Variants in DYNC2LI1 observed in about 807,000 individuals in gnomAD.
DYNC2LI1 encodes the protein dynein cytoplasmic 2 light intermediate chain 1.
A neutral mutation model predicts 51.9 loss-of-function variants in DYNC2LI1; 45 were observed. That is an observed-to-expected ratio of 0.87 (90% CI 0.68 to 1.11). The LOEUF (loss-of-function observed/expected upper bound fraction) is 1.11. Ranked by LOEUF, DYNC2LI1 falls within the 50% of genes most tolerant of loss-of-function variation. The probability of loss-of-function intolerance (pLI) is 0.00; values close to 1 mark genes in which losing one functional copy is unlikely to be tolerated. For missense variants in DYNC2LI1, 490 were observed against 417.4 expected, an observed-to-expected ratio of 1.17 and a Z score of -1.51; for synonymous variants, 130 against 137.8, an observed-to-expected ratio of 0.94 and a Z score of 0.40.
chr2:43,820,835 G>A, the DYNC2LI1 span, among the ~76,000 whole-genome samples: 1 of 152,142 alleles, frequency 6.6e-6, no homozygotes, highest in East Asian at 1.9e-4. Context: ...TTTGTATTTA[G>A]TAGAGATGGG....
chr2:43,785,500 G>A (rs537934527), intron 3 of DYNC2LI1, among the ~76,000 whole-genome samples: 1 of 151,866 alleles, frequency 6.6e-6, no homozygotes, highest in Non-Finnish European at 1.5e-5. Context: ...CTGGGAGGCC[G>A]AGGCGGGCAT....
chr2:43,824,133 C>T, the DYNC2LI1 span: 2 of 1,614,184 alleles, frequency 1.2e-6, no homozygotes, highest in Non-Finnish European at 8.5e-7. Context: ...AAACAAACAA[C>T]CCTGTTTTAA....
downstream of DYNC2LI1, chr2:43,812,825 G>T: frequency 2.8e-6 from 1 of 354,468 alleles, no homozygotes; most frequent in Non-Finnish European, 5.2e-6. Context: ...AAAAAAAATA[G>T]TCACACGAGT....
the DYNC2LI1 span, chr2:43,823,968 A>T: frequency 6.2e-7 from 1 of 1,614,204 alleles, no homozygotes; most frequent in South Asian, 1.1e-5. Flanking sequence ...CAAACTGGTA[A>T]AGGAGACCTA....
At chr2:43,819,050 T>C in the DYNC2LI1 span, among the ~76,000 whole-genome samples, 1 of 152,202 alleles carries the variant, frequency 6.6e-6, no homozygotes. Flanking sequence ...TGAAAATGGA[T>C]TGCTCTGAGA....
chr2:43,823,979 C>A, the DYNC2LI1 span: 2 of 1,614,206 alleles, frequency 1.2e-6, no homozygotes, highest in Admixed American at 3.3e-5. Flanking sequence ...AGGAGACCTA[C>A]GCGGTCCTGG....
intron 5 of DYNC2LI1, among the ~76,000 whole-genome samples, chr2:43,791,804 C>T (rs1196018175): frequency 6.6e-6 from 1 of 152,170 alleles, no homozygotes; most frequent in Non-Finnish European, 1.5e-5. Context: ...AACATTTCCA[C>T]ACACTTTAGA....
chr2:43,794,330 A>G (rs1309243952), intron 5 of DYNC2LI1, 127 bp from the exon 6 acceptor site: 2 of 1,066,152 alleles, frequency 1.9e-6, no homozygotes, highest in African/African-American at 1.6e-5. Flanking sequence ...GAGTCTTAGA[A>G]TAATGCTACG....
intron 4 of DYNC2LI1, among the ~76,000 whole-genome samples, chr2:43,787,735 A>G (rs1298532074): frequency 6.6e-6 from 1 of 152,120 alleles, no homozygotes; most frequent in African/African-American, 2.4e-5. Context: ...ACTCTTCAGG[A>G]TAGAAGAAGG....
intron 3 of DYNC2LI1, among the ~76,000 whole-genome samples, chr2:43,786,539 G>A (rs1673528494): frequency 6.6e-6 from 1 of 152,048 alleles, no homozygotes; most frequent in South Asian, 2.1e-4. Context: ...TCAGGGCTGA[G>A]TATAAACCCA....
chr2:43,788,652 CT>C (rs1673634082), intron 4 of DYNC2LI1, among the ~76,000 whole-genome samples: 1 of 152,156 alleles, frequency 6.6e-6, no homozygotes, highest in Non-Finnish European at 1.5e-5. Flanking sequence ...CAAGGTCTCA[CT>C]TTGTTTCCCA....
chr2:43,810,845 A>G (rs186372148), downstream of DYNC2LI1, among the ~76,000 whole-genome samples: 59 of 152,314 alleles, frequency 3.9e-4, no homozygotes, highest in African/African-American at 1.3e-3. Flanking sequence ...TCTCAGAAAC[A>G]TCACTGACTT....
At chr2:43,820,534 A>G in the DYNC2LI1 span, among the ~76,000 whole-genome samples, 21 of 152,256 alleles carry the variant, frequency 1.4e-4, no homozygotes, top group South Asian at 4.2e-3. Context: ...TCTCTGTTAT[A>G]TGGGATTATT....
downstream of DYNC2LI1, chr2:43,813,325 T>G (rs373162711): frequency 2.2e-5 from 35 of 1,573,842 alleles, 1 homozygote; most frequent in Admixed American, 3.3e-5. Flanking sequence ...AAGGAAAAGA[T>G]TGACAGTGTC....
chr2:43,784,543 G>A lies in DYNC2LI1; in HGVS notation c.161+989G>A, dbSNP rs192462337. Among the ~76,000 whole-genome samples the A allele has an allele frequency of 2.4e-3, 370 of 152,074 alleles. 8 individuals carry two copies. The highest frequency in any genetic ancestry group is 4.1e-4 in the Non-Finnish European group (28 of 67,990). On this transcript the variant is annotated intron_variant, in intron 3 of 12. Coordinates refer to ENST00000260605, the MANE Select transcript of DYNC2LI1 (RefSeq NM_016008.4). The stretch of plus-strand genomic sequence containing the variant: ...CAACCTCCGCCTCCTGGGTTCAAGC[G>A]ATTCTCCTGCCTCAGCCTCCCGCTG...
rs547983409 is a variant in DYNC2LI1, at chr2:43,782,482, T to C, written c.127-1038T>C. ...ATTATTTTCTTTAGAGCCTGAAGGTTTCCTCCAGTGGAGCTTGTCCTGCTG... is the reference window on the plus strand; with the variant it reads ...ATTATTTTCTTTAGAGCCTGAAGGTCTCCTCCAGTGGAGCTTGTCCTGCTG... On this transcript the variant is annotated intron_variant, in intron 2 of 12. Coordinates refer to ENST00000260605, the MANE Select transcript of DYNC2LI1 (RefSeq NM_016008.4). Among the ~76,000 whole-genome samples the C allele has an allele frequency of 1.3e-4, 20 of 151,942 alleles. No homozygotes were observed. In the East Asian group the frequency reaches 2.1e-3, roughly 16 times the overall value.
chr2:43,794,422 T>C, intron 5 of DYNC2LI1, 35 bp from the exon 6 acceptor site: 1 of 1,567,382 alleles, frequency 6.4e-7, no homozygotes, highest in Non-Finnish European at 8.6e-7. Context: ...GTAATTATTT[T>C]GAGTCTTTTT....
At chr2:43,782,101 G>GT (rs1479581211) in intron 2 of DYNC2LI1, among the ~76,000 whole-genome samples, 4 of 151,582 alleles carry the variant, frequency 2.6e-5, no homozygotes, top group Admixed American at 6.6e-5. Context: ...TATTATGAAT[G>GT]TTTTACTATG....
chr2:43,826,250 T>G, the DYNC2LI1 span: 1 of 1,379,222 alleles, frequency 7.3e-7, no homozygotes, highest in Non-Finnish European at 1.0e-6. Flanking sequence ...TCCTCCTGCC[T>G]CAGCCTCCCA....
Sources: gnomAD v4.1 joint callset for allele counts (sites outside exome capture counted in the v4.1 genomes callset) on GRCh38, gnomAD v4.1.1 for gene constraint, MANE v1.5 for transcripts, NCBI Gene and HGNC (gene_info 2026-07-23, HGNC 2026-07-21) for gene names.